The following MICAL3 variants were observed in gnomAD, a reference collection of about 807,000 sequenced individuals.
MICAL3 encodes [F-actin]-monooxygenase MICAL3.
MICAL3 carries 62 observed loss-of-function variants against 207.4 expected under a neutral mutation model. The ratio of observed to expected loss-of-function variants is 0.30; its 90% CI spans 0.24 to 0.37. MICAL3 has a LOEUF of 0.37. MICAL3 is among the 10% of genes least tolerant of loss of function. MICAL3 has a pLI of 1.00. For missense variants in MICAL3, 2,368 were observed against 2,635.6 expected (o/e 0.90, Z 2.22); for synonymous variants, 1,077 against 1,069.3 (o/e 1.01, Z -0.14).
At chr22:17,910,328 T>C (rs951964062) in intron 1 of MICAL3, among the ~76,000 whole-genome samples, 1 of 152,162 alleles carries the variant, frequency 6.6e-6, no homozygotes, top group Non-Finnish European at 1.5e-5. Flanking sequence ...CGGTTTGAAA[T>C]AATTCACTTC....
intron 1 of MICAL3, among the ~76,000 whole-genome samples, chr22:17,934,882 C>T (rs376817975): frequency 6.6e-6 from 1 of 151,930 alleles, no homozygotes; most frequent in Admixed American, 6.6e-5. Flanking sequence ...ATTAAAATAC[C>T]TAGGAATCCA....
In MICAL3 at chr22:17,982,732, AAAAAT is replaced by A. The variant is rs10684317; in HGVS notation, c.-75+41544_-75+41548del. ...TAACATAACAAACATAACATAACAT[AAAAAT>A]AAAATAAAATAAAATAAAAAAGTAA... On this transcript the variant is annotated intron_variant, in intron 1 of 31. Coordinates refer to ENST00000441493, the MANE Select transcript of MICAL3 (RefSeq NM_015241.3). Among the ~76,000 whole-genome samples, 41 of 149,256 alleles carry A rather than the reference AAAAAT, an allele frequency of 2.7e-4. No homozygotes were observed. In the East Asian group the frequency reaches 3.5e-3, roughly 13 times the overall value.
rs1922347822 is a variant in MICAL3, at chr22:17,827,663, A to C, written c.3174T>G (p.Ser1058=). ...GTTTACCTCCGGAAGCAGAGGACTC[A>C]GAGGCCGGCGCCATCCTCTCTTCCT... is the stretch of plus-strand genomic sequence containing the variant. The part of the protein sequence containing the change: ...REEEERMAPA[S]ESSASGAPLD... Residue 1058 remains serine, a synonymous_variant, in exon 22 of 32, where the codon TCT becomes TCG. Coordinates refer to ENST00000441493, the MANE Select transcript of MICAL3 (RefSeq NM_015241.3). 1 of 1,574,220 alleles carries C rather than the reference A, an allele frequency of 6.4e-7. No individual in the cohort carries two copies. The highest frequency in any genetic ancestry group is 8.6e-7 in the Non-Finnish European group (1 of 1,160,124).
intron 16 of MICAL3, among the ~76,000 whole-genome samples, chr22:17,878,899 T>C (rs1285987280): frequency 6.6e-6 from 1 of 152,160 alleles, no homozygotes; most frequent in Non-Finnish European, 1.5e-5. Flanking sequence ...GGTAAGAGCT[T>C]TGGCTCTCTT....
At position 17,889,049 on chromosome 22, in the gene MICAL3, A is replaced by C. The variant is rs1371461467; in HGVS notation, c.1876T>G (p.Ser626Ala). The C allele has an allele frequency of 3.1e-6, 5 of 1,605,006 alleles. No homozygotes were observed. The East Asian group carries it at 9.0e-5, about 29-fold the overall frequency. ...CAGGCCTTACCGCTAGAGGGGAGGG[A>C]GTCCTTAAACATCTCGTAGAACTGA... ...LTQFYEMFKD[S>A]LPSSDTLDLN... Residue 626 changes from serine to alanine, a missense_variant, in exon 13 of 32, where the codon TCC becomes GCC. This residue lies in a region of MICAL3 where 1,770 missense variants were observed against 1,863.2 expected (regional missense o/e 0.95). Coordinates refer to ENST00000441493, the MANE Select transcript of MICAL3 (RefSeq NM_015241.3).
intron 29 of MICAL3, among the ~76,000 whole-genome samples, chr22:17,801,545 A>C (rs189654130): frequency 3.0e-4 from 46 of 152,266 alleles, no homozygotes; most frequent in African/African-American, 1.1e-3. Flanking sequence ...CCGGGAACCC[A>C]GAGGAGAAAG....
At chr22:17,861,574 C>CT (rs764511872) in intron 19 of MICAL3, 94 of 985,278 alleles carry the variant, frequency 9.5e-5, no homozygotes, top group Non-Finnish European at 1.0e-4. Context: ...TGTAACTAAA[C>CT]TTCTCATGTC....
chr22:17,864,849 G>A lies in MICAL3; in HGVS notation c.2605+50C>T, dbSNP rs768904352. ...GGCTCATGCCCTTGGCCTTGTCACA[G>A]AGGCCGAGGGAGTGACGCGCCACCC... On this transcript the variant is annotated intron_variant, in intron 19 of 31. Coordinates refer to ENST00000441493, the MANE Select transcript of MICAL3 (RefSeq NM_015241.3). The A allele has an allele frequency of 3.2e-5, 51 of 1,613,946 alleles. No individual in the cohort carries two copies. In the East Asian group the frequency reaches 4.9e-4, roughly 16 times the overall value.
chr22:17,891,326 C>G (rs1053921791), intron 12 of MICAL3, among the ~76,000 whole-genome samples, 159 bp downstream of exon 12: 5 of 151,954 alleles, frequency 3.3e-5, no homozygotes, highest in African/African-American at 1.2e-4. Flanking sequence ...ACATGACATA[C>G]AGAGTTTCAA....
At chr22:17,847,449 A>C (rs972657207) in intron 19 of MICAL3, among the ~76,000 whole-genome samples, 8 of 152,168 alleles carry the variant, frequency 5.3e-5, no homozygotes, top group African/African-American at 1.7e-4. Context: ...CTGATTCAAC[A>C]AATGTTTCTT....
intron 19 of MICAL3, 199 bp downstream of exon 19, chr22:17,864,700 A>G (rs1389433903): frequency 6.2e-7 from 1 of 1,612,324 alleles, no homozygotes; most frequent in Non-Finnish European, 8.5e-7. Context: ...GATTTGCACC[A>G]GCACCTCCGA....
At chr22:17,962,698 T>C (rs1057473882) in intron 1 of MICAL3, among the ~76,000 whole-genome samples, 1 of 151,926 alleles carries the variant, frequency 6.6e-6, no homozygotes, top group African/African-American at 2.4e-5. Context: ...GAATAAGCAA[T>C]TTCCAAGGAC....
At chr22:18,001,045 T>C (rs1459396940) in intron 1 of MICAL3, 2 of 149,622 alleles carry the variant, frequency 1.3e-5, no homozygotes, top group Non-Finnish European at 3.0e-5. Flanking sequence ...CTCCCCGCGC[T>C]TCCCCGCGCC....
chr22:17,877,367 TAGGGAGGTG>T (rs1247581639), intron 16 of MICAL3, among the ~76,000 whole-genome samples: 24 of 98,084 alleles, frequency 2.4e-4, no homozygotes, highest in Non-Finnish European at 3.3e-4. Flanking sequence ...TTATGGAGGT[TAGGGAGGTG>T]AGGGAGGTTA....
intron 1 of MICAL3, among the ~76,000 whole-genome samples, chr22:17,923,094 G>A (rs1481694338): frequency 5.9e-5 from 9 of 152,032 alleles, no homozygotes; most frequent in Admixed American, 5.9e-4. Flanking sequence ...CCATGGGAAG[G>A]AGGATCCATT....
intron 1 of MICAL3, among the ~76,000 whole-genome samples, chr22:17,946,378 G>A (rs1934067752): frequency 6.6e-6 from 1 of 152,252 alleles, no homozygotes; most frequent in South Asian, 2.1e-4. Flanking sequence ...GACACCGCCT[G>A]TGTGAAACAA....
At chr22:17,798,760 G>A (rs942955512) in intron 29 of MICAL3, among the ~76,000 whole-genome samples, 3 of 143,108 alleles carry the variant, frequency 2.1e-5, no homozygotes, top group African/African-American at 5.4e-5. Context: ...TGCAAGCTCC[G>A]CCTCCCGGGT....
intron 19 of MICAL3, among the ~76,000 whole-genome samples, chr22:17,850,094 A>G (rs1316286333): frequency 6.6e-6 from 1 of 152,210 alleles, no homozygotes; most frequent in Non-Finnish European, 1.5e-5. Flanking sequence ...AGCAGGTGAC[A>G]TGGGCTCACT....
rs1233146655 is a variant in MICAL3 at position 17,976,578 on chromosome 22, TATA to T, written c.-75+47700_-75+47702del. On this transcript the variant is annotated intron_variant, in intron 1 of 31. Coordinates refer to ENST00000441493, the MANE Select transcript of MICAL3 (RefSeq NM_015241.3). ...GTGTGTGTGTATATATATATATATA[TATA>T]TATATATATTTTTTTTTTTTTTTTT... 1.6e-3 allele frequency among the ~76,000 whole-genome samples: 163 copies of T among 101,922 alleles called. 1 individual carries two copies. Among genetic ancestry groups the T allele is most frequent in the African/African-American group, 7.0e-3 (158 of 22,596 alleles). 66.9% of individuals were successfully genotyped at this position (101,922 alleles called of 152,430 possible).
Sources: allele counts gnomAD v4.1 joint callset (sites outside exome capture counted in the v4.1 genomes callset), GRCh38; gene constraint gnomAD v4.1.1; regional missense constraint gnomAD v4.1.1; transcripts MANE v1.5; gene names NCBI Gene and HGNC (gene_info 2026-07-23, HGNC 2026-07-21).